ZNF564: variants seen among roughly 807,000 people sequenced by gnomAD.
The protein encoded by ZNF564 is zinc finger protein 564.
Under a neutral mutation model 10.5 loss-of-function variants are expected in ZNF564, and 5 were observed. The ratio of observed to expected loss-of-function variants is 0.48; its 90% CI spans 0.25 to 1.00. ZNF564 has a LOEUF of 1.00. Among genes scored for constraint, ZNF564 ranks in the 50% least tolerant of loss-of-function variants. ZNF564 has a pLI of 0.16. For synonymous variants in ZNF564, 242 were observed against 218.1 expected (o/e 1.11, Z -0.97); for missense variants, 603 against 669.7 (o/e 0.90, Z 1.10).
chr19:12,527,178 T>C lies in ZNF564; in HGVS notation c.930A>G (p.Lys310=). 1 of 1,614,180 alleles carries C rather than the reference T, an allele frequency of 6.2e-7. No homozygotes were observed. The highest frequency in any genetic ancestry group is 1.1e-5 in the South Asian group (1 of 91,084). The change falls in exon 4 of 4, where the codon AAA becomes AAG. Residue 310 remains lysine, a synonymous_variant. Transcript: ENST00000339282. ...TAAAGGCTCTCCCACATACTTTACA[T>C]TTATAAGGTCCATCCCCAGTGTGCC... ...MIRHTGDGPY[K]CKVCGRAFIF... is the part of the protein sequence containing the mutation.
intron 1 of ZNF564, among the ~76,000 whole-genome samples, chr19:12,543,356 G>A (rs1271744662): frequency 8.3e-5 from 12 of 144,526 alleles, no homozygotes; most frequent in South Asian, 4.6e-4. Flanking sequence ...AGGGGAAGGG[G>A]AAGGGGAAAG....
At chr19:12,536,125 C>CA (rs1441641726) in intron 1 of ZNF564, among the ~76,000 whole-genome samples, 6 of 151,744 alleles carry the variant, frequency 4.0e-5, no homozygotes, top group African/African-American at 1.5e-4. Flanking sequence ...AAATCTGTTA[C>CA]AAAAAGTTAA....
chr19:12,540,773 G>A (rs552206882), intron 1 of ZNF564, among the ~76,000 whole-genome samples: 6 of 152,112 alleles, frequency 3.9e-5, no homozygotes, highest in African/African-American at 1.2e-4. Flanking sequence ...AGAATGGTGT[G>A]AACTCGGGAG....
rs190329211 is a variant in ZNF564, at chr19:12,538,854, G to C, written c.4-10158C>G. 1.2e-4 allele frequency among the ~76,000 whole-genome samples: 18 copies of C among 152,044 alleles called. No individual in the cohort carries two copies. In the East Asian group the frequency reaches 2.3e-3, roughly 20 times the overall value. ...TAGTTAATAATAATGTTATTGGTTT[G>C]CCAATTTTCATCATTATCAGATGTA... On this transcript the variant is annotated intron_variant, in intron 1 of 3. Transcript: ENST00000339282.
chr19:12,548,572 G>C (rs905418968), intron 1 of ZNF564: 4 of 476,936 alleles, frequency 8.4e-6, no homozygotes, highest in African/African-American at 1.9e-5. Flanking sequence ...GGATGGTCGC[G>C]ATCTCCTGAC....
intron 1 of ZNF564, among the ~76,000 whole-genome samples, chr19:12,547,811 CTTTTTT>C (rs553349695): frequency 2.9e-5 from 4 of 139,954 alleles, no homozygotes; most frequent in African/African-American, 1.1e-4. Flanking sequence ...TATTCACTTA[CTTTTTT>C]TTTTTTTTTT....
intron 1 of ZNF564, among the ~76,000 whole-genome samples, chr19:12,537,750 A>AG (rs1339653647): frequency 1.3e-5 from 2 of 151,734 alleles, no homozygotes; most frequent in Non-Finnish European, 2.9e-5. Flanking sequence ...AAAAAAAAAA[A>AG]AAAGAAAAAA....
At chr19:12,538,101 GTAAGT>G (rs1599282482) in intron 1 of ZNF564, among the ~76,000 whole-genome samples, 1 of 151,906 alleles carries the variant, frequency 6.6e-6, no homozygotes, top group African/African-American at 2.4e-5. Flanking sequence ...AAAAATAATA[GTAAGT>G]TAAAATATAA....
rs2021717185 is a variant in ZNF564 at position 12,527,685 on chromosome 19, A to G, written c.423T>C (p.Tyr141=). 6.2e-7 allele frequency: 1 copy of G among 1,614,156 alleles called. No homozygotes were observed. The highest frequency in any genetic ancestry group is 1.3e-5 in the African/African-American group (1 of 75,038). The part of the protein sequence containing the change: ...YDYQEYGEKP[Y]KCKQCGKAFS... ...AGGCTTTCCCACACTGCTTACATTT[A>G]TATGGTTTCTCTCCATATTCCTGAT... is the stretch of plus-strand genomic sequence containing the variant. The change falls in exon 4 of 4, where the codon TAT becomes TAC. Residue 141 remains tyrosine, a synonymous_variant. Coordinates refer to ENST00000339282, the MANE Select transcript of ZNF564 (RefSeq NM_144976.4).
rs1168811856 is a variant in ZNF564 at position 12,551,416 on chromosome 19, G to A, written c.-84C>T. The A allele has an allele frequency of 1.4e-6, 2 of 1,476,510 alleles. No homozygotes were observed. The highest frequency in any genetic ancestry group is 1.4e-5 in the African/African-American group (1 of 69,324). The allele number at this position is 1,476,510 out of a possible 1,614,324, so 91.5% of individuals were successfully genotyped here. On this transcript the variant is annotated 5_prime_UTR_variant, in exon 1 of 4. Transcript: ENST00000339282. ...TCCCAGCGCGCCAGACGCTGCGGTG[G>A]AGCCACCGGGGCCACTGGAGAAGCG...
rs148323141 is a variant in ZNF564, at chr19:12,546,991, G to C, written c.3+4339C>G. 2.0e-5 allele frequency among the ~76,000 whole-genome samples: 3 copies of C among 152,012 alleles called. No individual in the cohort carries two copies. In the East Asian group the frequency reaches 5.8e-4, roughly 29 times the overall value. Reference sequence around the variant, plus strand: ...AAAAATATTCTCTGACCTAGGATCCGATTTTGCACTTTCCACTCTGCCCTC... The same window carrying C: ...AAAAATATTCTCTGACCTAGGATCCCATTTTGCACTTTCCACTCTGCCCTC... On this transcript the variant is annotated intron_variant, in intron 1 of 3. Coordinates refer to ENST00000339282, the MANE Select transcript of ZNF564 (RefSeq NM_144976.4).
intron 1 of ZNF564, 51 bp downstream of exon 1, chr19:12,551,277 GGT>G: frequency 6.3e-7 from 1 of 1,584,536 alleles, no homozygotes; most frequent in Non-Finnish European, 8.6e-7. Context: ...GGTTCCGGCC[GGT>G]TCCCACAAGC....
At chr19:12,545,292 G>A (rs2022130483) in intron 1 of ZNF564, among the ~76,000 whole-genome samples, 1 of 150,612 alleles carries the variant, frequency 6.6e-6, no homozygotes, top group Non-Finnish European at 1.5e-5. Context: ...AGAAATGAGT[G>A]AGGGAAACAT....
chr19:12,534,185 A>G (rs1358150618), intron 1 of ZNF564, among the ~76,000 whole-genome samples: 1 of 152,168 alleles, frequency 6.6e-6, no homozygotes, highest in Non-Finnish European at 1.5e-5. Context: ...CTATTCAACA[A>G]CATCCTTAAA....
chr19:12,533,555 C>T (rs1449266573), intron 1 of ZNF564, among the ~76,000 whole-genome samples: 1 of 151,772 alleles, frequency 6.6e-6, no homozygotes. Flanking sequence ...GGTAAAACCT[C>T]GTCTCTACTA....
intron 1 of ZNF564, among the ~76,000 whole-genome samples, chr19:12,542,281 C>T (rs1018924844): frequency 2.2e-5 from 3 of 136,294 alleles, no homozygotes; most frequent in African/African-American, 8.6e-5. Context: ...TACACTCCAG[C>T]CTGGGTAACA....
At chr19:12,546,089 A>C (rs1428599421) in intron 1 of ZNF564, among the ~76,000 whole-genome samples, 3 of 152,210 alleles carry the variant, frequency 2.0e-5, no homozygotes, top group Non-Finnish European at 2.9e-5. Flanking sequence ...TCCCTGTCCC[A>C]GGAACTGCAG....
At chr19:12,548,279 A>G (rs1229167329) in intron 1 of ZNF564, 1 of 673,530 alleles carries the variant, frequency 1.5e-6, no homozygotes, top group Non-Finnish European at 1.8e-6. Flanking sequence ...GTCCAGTGGC[A>G]CGATCCCGGC....
intron 1 of ZNF564, among the ~76,000 whole-genome samples, chr19:12,542,688 A>G (rs2022080599): frequency 6.6e-6 from 1 of 151,614 alleles, no homozygotes; most frequent in South Asian, 2.1e-4. Context: ...GAAGGAAAGG[A>G]AAAAAAGGAA....
Sources: gnomAD v4.1 joint callset for allele counts (sites outside exome capture counted in the v4.1 genomes callset) on GRCh38, gnomAD v4.1.1 for gene constraint, MANE v1.5 for transcripts, NCBI Gene and HGNC (gene_info 2026-07-23, HGNC 2026-07-21) for gene names.